Variants in L3MBTL4 observed in about 807,000 individuals in gnomAD.
The protein encoded by L3MBTL4 is lethal(3)malignant brain tumor-like protein 4.
In L3MBTL4, 70 loss-of-function variants were observed where a neutral mutation model predicts 84.5. The ratio of observed to expected loss-of-function variants is 0.83; its 90% CI spans 0.68 to 1.01. The LOEUF is 1.01. L3MBTL4 is among the 50% of genes least tolerant of loss of function. The probability of loss-of-function intolerance (pLI) is 0.00; values close to 1 mark genes in which losing one functional copy is unlikely to be tolerated. For synonymous variants in L3MBTL4, 274 were observed against 259.8 expected, an observed-to-expected ratio of 1.05 and a Z score of -0.52; for missense variants, 715 against 754.8, an observed-to-expected ratio of 0.95 and a Z score of 0.62.
chr18:5,982,009 T>TGTGTGTGTGTGTGTG (rs1567946143), intron 16 of L3MBTL4, among the ~76,000 whole-genome samples: 7 of 95,454 alleles, frequency 7.3e-5, no homozygotes, highest in African/African-American at 3.1e-4. Context: ...TGTGTGTGTG[T>TGTGTGTGTGTGTGTG]TTTGGGAAAA....
At chr18:6,091,243 G>A (rs1305033818) in intron 15 of L3MBTL4, among the ~76,000 whole-genome samples, 1 of 152,064 alleles carries the variant, frequency 6.6e-6, no homozygotes, top group Admixed American at 6.6e-5. Flanking sequence ...TTGTTCCCTT[G>A]CCCTGGAATT....
chr18:5,964,999 G>A (rs943338117), intron 17 of L3MBTL4, among the ~76,000 whole-genome samples: 4 of 152,126 alleles, frequency 2.6e-5, no homozygotes, highest in African/African-American at 9.7e-5. Flanking sequence ...ACTCATAAAA[G>A]CTTATACTCC....
At chr18:6,128,911 C>T (rs187970121) in intron 14 of L3MBTL4, among the ~76,000 whole-genome samples, 4 of 151,980 alleles carry the variant, frequency 2.6e-5, no homozygotes, top group African/African-American at 4.8e-5. Context: ...GATTAATGGA[C>T]CCCCTGATGT....
chr18:6,229,127 G>A (rs942293177), intron 10 of L3MBTL4, among the ~76,000 whole-genome samples: 2 of 152,124 alleles, frequency 1.3e-5, no homozygotes, highest in African/African-American at 2.4e-5. Flanking sequence ...GTTAGTGTTC[G>A]TGTGAATAGT....
At chr18:6,388,766 GC>G (rs2054926439) in intron 1 of L3MBTL4, among the ~76,000 whole-genome samples, 1 of 152,218 alleles carries the variant, frequency 6.6e-6, no homozygotes, top group East Asian at 1.9e-4. Context: ...GAACTGAGGG[GC>G]CAGGCACAGG....
At chr18:6,018,213 A>T (rs2055088217) in intron 16 of L3MBTL4, among the ~76,000 whole-genome samples, 1 of 152,192 alleles carries the variant, frequency 6.6e-6, no homozygotes, top group Non-Finnish European at 1.5e-5. Flanking sequence ...AGGAAGCTGG[A>T]AAGTCGAACC....
At chr18:6,083,957 T>C (rs1020210010) in intron 15 of L3MBTL4, among the ~76,000 whole-genome samples, 4 of 152,192 alleles carry the variant, frequency 2.6e-5, no homozygotes, top group Non-Finnish European at 5.9e-5. Context: ...ACCCTCTTTC[T>C]AGGCTTCCAT....
At chr18:6,140,506 C>A (rs1284356387) in intron 13 of L3MBTL4, among the ~76,000 whole-genome samples, 1 of 152,170 alleles carries the variant, frequency 6.6e-6, no homozygotes, top group African/African-American at 2.4e-5. Flanking sequence ...CACTGGCCTG[C>A]ACCCTCAGCC....
At chr18:5,996,353 A>G (rs965825328) in intron 16 of L3MBTL4, among the ~76,000 whole-genome samples, 8 of 152,228 alleles carry the variant, frequency 5.3e-5, no homozygotes, top group Non-Finnish European at 7.3e-5. Context: ...TCCACACTGA[A>G]AATCAGTAAG....
At chr18:6,317,633 G>T (rs1034683923) in intron 1 of L3MBTL4, among the ~76,000 whole-genome samples, 3 of 152,262 alleles carry the variant, frequency 2.0e-5, no homozygotes, top group African/African-American at 7.2e-5. Flanking sequence ...AAAAATAACT[G>T]GTGTTCCTGA....
Position 6,092,629 on chromosome 18 carries a change from G to T in L3MBTL4, c.1373+726C>A, listed in dbSNP as rs1237434542. On this transcript the variant is annotated intron_variant, in intron 15 of 18. Coordinates refer to ENST00000317931, the MANE Select transcript of L3MBTL4 (RefSeq NM_001330559.2). ...TCTAGCCTTTCTTGGCTCAGTCTCT[G>T]TCTGGTCTCCAGTTATTTACTTAGT... Among the ~76,000 whole-genome samples, 3 of 152,148 alleles carry T rather than the reference G, an allele frequency of 2.0e-5. 1 individual carries two copies. The highest frequency in any genetic ancestry group is 4.4e-5 in the Non-Finnish European group (3 of 68,016).
chr18:6,363,279 C>A (rs1022595766), intron 1 of L3MBTL4, among the ~76,000 whole-genome samples: 1 of 152,096 alleles, frequency 6.6e-6, no homozygotes, highest in African/African-American at 2.4e-5. Flanking sequence ...AGGTATGAAC[C>A]GTCCAGGGGC....
At chr18:6,180,819 A>G (rs1402949532) in intron 12 of L3MBTL4, among the ~76,000 whole-genome samples, 2 of 152,168 alleles carry the variant, frequency 1.3e-5, no homozygotes, top group African/African-American at 2.4e-5. Flanking sequence ...CTGTTTTTCC[A>G]TGCTTGTATG....
chr18:6,101,038 C>T (rs1163224116), intron 14 of L3MBTL4, among the ~76,000 whole-genome samples: 1 of 152,212 alleles, frequency 6.6e-6, no homozygotes, highest in Non-Finnish European at 1.5e-5. Context: ...CACACTCAGT[C>T]TTCTGTGGGG....
At chr18:6,009,768 T>C (rs1349853603) in intron 16 of L3MBTL4, among the ~76,000 whole-genome samples, 1 of 152,226 alleles carries the variant, frequency 6.6e-6, no homozygotes, top group South Asian at 2.1e-4. Context: ...CAGTCAGCAG[T>C]TGGTTGAATC....
chr18:6,153,306 T>C (rs1420510199), intron 13 of L3MBTL4, among the ~76,000 whole-genome samples: 1 of 152,194 alleles, frequency 6.6e-6, no homozygotes, highest in Admixed American at 6.5e-5. Context: ...TAAACTGTTT[T>C]GAGTAGTATG....
At chr18:6,249,286 T>C (rs1392041595) in intron 5 of L3MBTL4, among the ~76,000 whole-genome samples, 1 of 152,176 alleles carries the variant, frequency 6.6e-6, no homozygotes, top group African/African-American at 2.4e-5. Context: ...TAAGAAGCCA[T>C]AGAAACTGAA....
chr18:5,974,735 T>G (rs2052817096), intron 16 of L3MBTL4, among the ~76,000 whole-genome samples: 1 of 152,098 alleles, frequency 6.6e-6, no homozygotes, highest in Admixed American at 6.5e-5. Flanking sequence ...GAGGCCAAGT[T>G]GGGAGGATTG....
At chr18:6,272,307 A>C (rs1195754142) in intron 4 of L3MBTL4, among the ~76,000 whole-genome samples, 1 of 152,138 alleles carries the variant, frequency 6.6e-6, no homozygotes, top group Non-Finnish European at 1.5e-5. Context: ...ATGGGAGGGC[A>C]CCCTACCAAA....
Sources: gnomAD v4.1 joint callset for allele counts (sites outside exome capture counted in the v4.1 genomes callset) on GRCh38, gnomAD v4.1.1 for gene constraint, MANE v1.5 for transcripts, NCBI Gene and HGNC (gene_info 2026-07-23, HGNC 2026-07-21) for gene names.